EED: variants seen among roughly 807,000 people sequenced by gnomAD.
The protein encoded by EED is embryonic ectoderm development, also known as polycomb protein EED.
Under a neutral mutation model 61.0 loss-of-function variants are expected in EED, and 9 were observed. The ratio of observed to expected loss-of-function variants is 0.15; its 90% CI spans 0.09 to 0.26. The LOEUF is 0.26. Among genes scored for constraint, EED ranks in the 10% least tolerant of loss-of-function variants. EED has a pLI of 1.00. For missense variants in EED, 315 were observed against 542.3 expected, an observed-to-expected ratio of 0.58 and a Z score of 4.16; for synonymous variants, 187 against 174.4, an observed-to-expected ratio of 1.07 and a Z score of -0.57.
At chr11:86,280,345 C>A (rs1425332955), downstream of EED, among the ~76,000 whole-genome samples, 1 of 152,034 alleles carries the variant, frequency 6.6e-6, no homozygotes, top group African/African-American at 2.4e-5. Context: ...AATGAAAGAT[C>A]CAGGAGTCAG....
At chr11:86,264,459 T>A (rs1274196325) in intron 7 of EED, 196 bp downstream of exon 7, 1 of 419,824 alleles carries the variant, frequency 2.4e-6, no homozygotes, top group Non-Finnish European at 4.2e-6. Flanking sequence ...ATTTATTTTT[T>A]AAATTACTTG....
At chr11:86,273,748 C>G (rs992591892) in intron 9 of EED, among the ~76,000 whole-genome samples, 1 of 152,208 alleles carries the variant, frequency 6.6e-6, no homozygotes, top group African/African-American at 2.4e-5. Flanking sequence ...TCCATAATTC[C>G]GATGAGAAAT....
intron 6 of EED, among the ~76,000 whole-genome samples, chr11:86,261,728 T>C (rs903183219): frequency 6.6e-6 from 1 of 152,254 alleles, no homozygotes; most frequent in Non-Finnish European, 1.5e-5. Context: ...CAAGATTTGC[T>C]GCTTGTACCT....
chr11:86,278,649 C>A lies in EED; in HGVS notation c.*124C>A. On this transcript the variant is annotated 3_prime_UTR_variant, in exon 12 of 12. Transcript: ENST00000263360. ...TCTTTCAGCATTCAATCAGGCTGAG[C>A]TGAATGTAGTGATGTTTACATTGTT... is the stretch of plus-strand genomic sequence containing the variant. 1 of 1,259,940 alleles carries A rather than the reference C, an allele frequency of 7.9e-7. No homozygotes were observed. Among genetic ancestry groups the A allele is most frequent in the Non-Finnish European group, 1.1e-6 (1 of 922,298 alleles). 78.0% of individuals were successfully genotyped at this position (1,259,940 alleles called of 1,614,324 possible).
the EED span, among the ~76,000 whole-genome samples, chr11:86,285,772 A>G: frequency 6.7e-6 from 1 of 148,914 alleles, no homozygotes; most frequent in East Asian, 2.0e-4. Flanking sequence ...TAATTTTTGT[A>G]TTTTTAGTAG....
At chr11:86,252,744 A>ATTGTTGTTGTTG (rs377482360) in intron 3 of EED, among the ~76,000 whole-genome samples, 1 of 151,174 alleles carries the variant, frequency 6.6e-6, no homozygotes, top group Non-Finnish European at 1.5e-5. Flanking sequence ...TTTGGTGGTG[A>ATTGTTGTTGTTG]TTGTTGTTGT....
chr11:86,246,316 A>G (rs190958197), intron 1 of EED, among the ~76,000 whole-genome samples: 56 of 152,376 alleles, frequency 3.7e-4, no homozygotes, highest in Non-Finnish European at 6.6e-4. Context: ...TCTCCTTCTC[A>G]TGATATATAA....
intron 9 of EED, among the ~76,000 whole-genome samples, chr11:86,272,521 G>A (rs1946141860): frequency 6.6e-6 from 1 of 152,132 alleles, no homozygotes; most frequent in Admixed American, 6.5e-5. Flanking sequence ...GTGTTTAATT[G>A]GTTGATGATG....
chr11:86,268,266 A>C (rs528772017), intron 8 of EED, 190 bp from the exon 9 acceptor site: 3 of 458,032 alleles, frequency 6.5e-6, no homozygotes, highest in South Asian at 3.9e-5. Context: ...ATAATGGAGA[A>C]AAATAAACAA....
At chr11:86,253,704 C>G (rs554390795) in intron 3 of EED, among the ~76,000 whole-genome samples, 4 of 152,042 alleles carry the variant, frequency 2.6e-5, no homozygotes, top group African/African-American at 7.2e-5. Flanking sequence ...GTCTTCAGTA[C>G]TATTATAAAA....
intron 3 of EED, among the ~76,000 whole-genome samples, chr11:86,253,972 C>T (rs548042144): frequency 9.5e-5 from 13 of 136,666 alleles, no homozygotes; most frequent in East Asian, 4.8e-4. Context: ...CACTGGAATC[C>T]GGGAGGCAGA....
Position 86,277,928 on chromosome 11 carries a change from TG to T in EED, c.1139del (p.Gly380AlafsTer12). On this transcript the variant is annotated frameshift_variant, in exon 11 of 12. Transcript: ENST00000263360. LOFTEE classifies it high-confidence loss of function. ...AATATGTTTATACAGATGCTTGCAT[TG>T]GGCAATCAAGTTGGCAAACTTTATG... Reference protein sequence around the residue: ...SMDFWQKMLALGNQVGKLYVW... With the variant: ...SMDFWQKMLAXGNQVGKLYVW... 6.5e-7 allele frequency: 1 copy of T among 1,544,624 alleles called. No individual in the cohort carries two copies. The highest frequency in any genetic ancestry group is 1.3e-5 in the South Asian group (1 of 77,740).
chr11:86,245,435 G>C, intron 1 of EED, 92 bp downstream of exon 1: 3 of 1,063,186 alleles, frequency 2.8e-6, no homozygotes, highest in Non-Finnish European at 4.2e-6. Context: ...GGCTGCTGTG[G>C]GGGGAGGGAG....
rs561373591 is a variant in EED at position 86,272,189 on chromosome 11, C to G, written c.966+3628C>G. ...TCTCCTGCCTTAGCCTCCTGAGTAG[C>G]TGGGACTACAGGAGCCTGCCACCAC... On this transcript the variant is annotated intron_variant, in intron 9 of 11. Transcript: ENST00000263360. Among the ~76,000 whole-genome samples the G allele has an allele frequency of 1.5e-4, 22 of 146,858 alleles. 1 individual carries two copies. In the Admixed American group the frequency reaches 1.5e-3, roughly 10 times the overall value.
At position 86,246,463 on chromosome 11, in the gene EED, C is replaced by T. The variant is rs1945394468; in HGVS notation, c.114+1120C>T. 2.0e-5 allele frequency among the ~76,000 whole-genome samples: 3 copies of T among 152,138 alleles called. No homozygotes were observed. The South Asian group carries it at 6.2e-4, about 32-fold the overall frequency. ...GCAGTTTCTAAATTCTGTCATAATT[C>T]CTAGCTGAAACATATAATGATGTCA... On this transcript the variant is annotated intron_variant, in intron 1 of 11. Coordinates refer to ENST00000263360, the MANE Select transcript of EED (RefSeq NM_003797.5).
chr11:86,268,634 T>C (rs1461061864), intron 9 of EED, 73 bp downstream of exon 9: 1 of 1,029,062 alleles, frequency 9.7e-7, no homozygotes, highest in Non-Finnish European at 1.4e-6. Context: ...TGTATGTGTG[T>C]GCGCATGTTG....
the EED span, among the ~76,000 whole-genome samples, chr11:86,285,568 A>G: frequency 6.6e-6 from 1 of 152,116 alleles, no homozygotes; most frequent in Non-Finnish European, 1.5e-5. Flanking sequence ...GTTAGCATGA[A>G]TTTTATTATT....
chr11:86,257,697 A>T, intron 6 of EED, 101 bp downstream of exon 6: 2 of 904,688 alleles, frequency 2.2e-6, no homozygotes, highest in Non-Finnish European at 3.3e-6. Flanking sequence ...AACCATGAGA[A>T]GAGAGTCCAC....
intron 1 of EED, 128 bp from the exon 2 acceptor site, chr11:86,250,168 A>G: frequency 2.4e-6 from 2 of 824,206 alleles, no homozygotes; most frequent in African/African-American, 1.8e-5. Context: ...TGTGGAGGCA[A>G]GAATACATTT....
Sources: gnomAD v4.1 joint callset for allele counts (sites outside exome capture counted in the v4.1 genomes callset) on GRCh38, gnomAD v4.1.1 for gene constraint, MANE v1.5 for transcripts, NCBI Gene and HGNC (gene_info 2026-07-23, HGNC 2026-07-21) for gene names.